H6PD: variants seen among roughly 807,000 people sequenced by gnomAD.
H6PD encodes GDH/6PGL endoplasmic bifunctional protein.
In H6PD, 48 loss-of-function variants were observed where a neutral mutation model predicts 61.2. That is an observed-to-expected ratio of 0.78 (90% CI 0.62 to 1.00). H6PD has a LOEUF of 1.00. Among genes scored for constraint, H6PD ranks in the 50% least tolerant of loss-of-function variants. The pLI is 0.00. For synonymous variants in H6PD, 480 were observed against 457.9 expected (o/e 1.05, Z -0.62); for missense variants, 1,093 against 1,065.0 (o/e 1.03, Z -0.37).
At chr1:9,258,251 GTT>G (rs1467486211) in intron 3 of H6PD, among the ~76,000 whole-genome samples, 5 of 60,220 alleles carry the variant, frequency 8.3e-5, no homozygotes, top group Non-Finnish European at 2.1e-4. Context: ...TTATGTTGGT[GTT>G]GTTACATCAG....
chr1:9,236,092 G>T (rs540340574), intron 1 of H6PD, among the ~76,000 whole-genome samples: 4 of 151,782 alleles, frequency 2.6e-5, no homozygotes, highest in Admixed American at 2.6e-4. Context: ...TGGTTCAAGC[G>T]ATTCTTCCAC....
At position 9,262,326 on chromosome 1, in the gene H6PD, C is replaced by G; in HGVS notation, c.1013C>G (p.Ala338Gly). The G allele has an allele frequency of 6.2e-7, 1 of 1,600,200 alleles. No individual in the cohort carries two copies. Among genetic ancestry groups the G allele is most frequent in the Non-Finnish European group, 8.5e-7 (1 of 1,173,534 alleles). The change falls in exon 4 of 5, where the codon GCA (alanine) becomes GGA (glycine). Residue 338 changes from alanine to glycine, a missense_variant and splice_region_variant. Physicochemically the swap from Ala to Gly is moderately conservative, Grantham distance 60. Coordinates refer to ENST00000377403, the MANE Select transcript of H6PD (RefSeq NM_004285.4). ...TTCCACAGCCTGACGCCGACCTTCGCAGGTGGGCCCTGGGGCTGGGCATGG... is the reference window on the plus strand; with the variant it reads ...TTCCACAGCCTGACGCCGACCTTCGGAGGTGGGCCCTGGGGCTGGGCATGG... ...DSFHSLTPTF[A>G]AVLVHIDNLR... is the part of the protein sequence containing the mutation.
chr1:9,265,280 G>A lies in H6PD; in HGVS notation c.*411G>A, dbSNP rs1570132542. On this transcript the variant is annotated 3_prime_UTR_variant, in exon 5 of 5. Coordinates refer to ENST00000377403, the MANE Select transcript of H6PD (RefSeq NM_004285.4). ...CCTGGGGGAGGTGATCCTTGAACTG[G>A]CTCCCGGGGAACATTCAGAGCATGA... The A allele has an allele frequency of 2.8e-6, 1 of 354,274 alleles. No individual in the cohort carries two copies. Among genetic ancestry groups the A allele is most frequent in the East Asian group, 7.3e-5 (1 of 13,638 alleles). The allele number at this position is 354,274 out of a possible 1,614,324, so 21.9% of individuals were successfully genotyped here.
intron 3 of H6PD, among the ~76,000 whole-genome samples, chr1:9,257,003 T>C (rs780282199): frequency 3.9e-5 from 6 of 152,230 alleles, no homozygotes; most frequent in Admixed American, 2.0e-4. Context: ...TCGCCTCAGC[T>C]CTGTCTTCTG....
chr1:9,265,206 C>A lies in H6PD; in HGVS notation c.*337C>A, dbSNP rs9435159. 14 of 421,650 alleles carry A rather than the reference C, an allele frequency of 3.3e-5. No individual in the cohort carries two copies. The highest frequency in any genetic ancestry group is 5.4e-5 in the Non-Finnish European group (12 of 223,884). The allele number at this position is 421,650 out of a possible 1,614,324, so 26.1% of individuals were successfully genotyped here. A position where few individuals can be genotyped will look rare whatever the true frequency, so the allele number is the denominator to read the frequency against. The stretch of plus-strand genomic sequence containing the variant: ...GGGATGGCGCCCAAACTCCGGCGTT[C>A]ACAAGAGGAGACGTGACGTGGTGGG... On this transcript the variant is annotated 3_prime_UTR_variant, in exon 5 of 5. Coordinates refer to ENST00000377403, the MANE Select transcript of H6PD (RefSeq NM_004285.4).
intron 3 of H6PD, among the ~76,000 whole-genome samples, chr1:9,252,630 T>G (rs1315089867): frequency 6.6e-6 from 1 of 152,242 alleles, no homozygotes; most frequent in African/African-American, 2.4e-5. Context: ...ATTAAGTGGT[T>G]TTTAGTATAT....
At chr1:9,248,429 A>G (rs913083709) in intron 3 of H6PD, among the ~76,000 whole-genome samples, 3 of 152,172 alleles carry the variant, frequency 2.0e-5, no homozygotes, top group African/African-American at 7.2e-5. Flanking sequence ...AGCCTCTCAG[A>G]TATGGCTCCC....
intron 3 of H6PD, among the ~76,000 whole-genome samples, chr1:9,250,952 T>C (rs947483189): frequency 6.6e-5 from 10 of 152,114 alleles, no homozygotes; most frequent in African/African-American, 2.4e-4. Flanking sequence ...TCAAGGCTGC[T>C]GCACAGGCCG....
intron 3 of H6PD, among the ~76,000 whole-genome samples, chr1:9,256,866 C>T (rs909951413): frequency 2.0e-5 from 3 of 152,136 alleles, no homozygotes; most frequent in South Asian, 2.1e-4. Flanking sequence ...ATTATTCCCT[C>T]GCTTCTCTTT....
chr1:9,255,305 A>T (rs1641482464), intron 3 of H6PD, among the ~76,000 whole-genome samples: 1 of 152,006 alleles, frequency 6.6e-6, no homozygotes, highest in Non-Finnish European at 1.5e-5. Flanking sequence ...TTTTGGAGAC[A>T]GGGTCTTTAT....
chr1:9,236,208 C>G (rs1033844832), intron 1 of H6PD, among the ~76,000 whole-genome samples: 5 of 152,118 alleles, frequency 3.3e-5, no homozygotes, highest in African/African-American at 1.2e-4. Flanking sequence ...CCAGGCTTGT[C>G]TTGAACTGCT....
At position 9,262,126 on chromosome 1, in the gene H6PD, C is replaced by G; in HGVS notation, c.813C>G (p.Val271=). 1 of 1,614,226 alleles carries G rather than the reference C, an allele frequency of 6.2e-7. No individual in the cohort carries two copies. The highest frequency in any genetic ancestry group is 8.5e-7 in the Non-Finnish European group (1 of 1,180,028). ...TCCTCCAGAACCATCTGACGGAGGTCCTCACCCTCGTGGCCATGGAGCTGC... is the reference window on the plus strand; with the variant it reads ...TCCTCCAGAACCATCTGACGGAGGTGCTCACCCTCGTGGCCATGGAGCTGC... The part of the protein sequence containing the change: ...RDVLQNHLTE[V]LTLVAMELPH... The change falls in exon 4 of 5, where the codon GTC becomes GTG. Residue 271 remains valine, a synonymous_variant. Transcript: ENST00000377403.
intron 2 of H6PD, among the ~76,000 whole-genome samples, chr1:9,246,573 G>A (rs1641181581): frequency 1.3e-5 from 2 of 152,186 alleles, no homozygotes; most frequent in Admixed American, 6.5e-5. Context: ...TTCCTAAATA[G>A]GGGTCCTCAG....
In H6PD at chr1:9,266,680, C is replaced by T. The variant is rs1638570292; in HGVS notation, c.*1811C>T. 1 of 152,270 alleles carries T rather than the reference C, an allele frequency of 6.6e-6. No individual in the cohort carries two copies. Among genetic ancestry groups the T allele is most frequent in the Admixed American group, 6.5e-5 (1 of 15,284 alleles). 9.4% of individuals were successfully genotyped at this position (152,270 alleles called of 1,614,324 possible). A position where few individuals can be genotyped will look rare whatever the true frequency, so the allele number is the denominator to read the frequency against. ...GGAGCATGGCAAAGTCGGTTTCTCT[C>T]TGGACTGTTTACACTTCAAGGCGGT... On this transcript the variant is annotated 3_prime_UTR_variant, in exon 5 of 5. Coordinates refer to ENST00000377403, the MANE Select transcript of H6PD (RefSeq NM_004285.4).
At chr1:9,261,381 C>G (rs1446420442) in intron 3 of H6PD, among the ~76,000 whole-genome samples, 1 of 152,126 alleles carries the variant, frequency 6.6e-6, no homozygotes, top group African/African-American at 2.4e-5. Context: ...AGGGTCCCTG[C>G]AGCTGAGATG....
At chr1:9,259,801 C>G (rs558017839) in intron 3 of H6PD, among the ~76,000 whole-genome samples, 28 of 148,074 alleles carry the variant, frequency 1.9e-4, no homozygotes, top group African/African-American at 6.6e-4. Flanking sequence ...TGTTATGTTG[C>G]TGTTGTTACG....
Position 9,245,106 on chromosome 1 carries a change from C to T in H6PD, c.172C>T (p.His58Tyr), listed in dbSNP as rs375333419. Residue 58 changes from histidine to tyrosine, a missense_variant, in exon 2 of 5, where the codon CAC (histidine) becomes TAC (tyrosine). Coordinates refer to ENST00000377403, the MANE Select transcript of H6PD (RefSeq NM_004285.4). This position sits in a 1 kb window ranked among gnomAD's most constrained non-coding sequence, Gnocchi z 4.8. ...QLYLDEAGRGHSFSFHGAALT... is the reference protein window; with the variant it reads ...QLYLDEAGRGYSFSFHGAALT... ...GTACCTGGATGAAGCGGGGAGGGGT[C>T]ACAGTTTTAGCTTCCATGGAGCTGC... is the stretch of plus-strand genomic sequence containing the variant. The T allele has an allele frequency of 6.2e-7, 1 of 1,614,158 alleles. No individual in the cohort carries two copies. Among genetic ancestry groups the T allele is most frequent in the Admixed American group, 1.7e-5 (1 of 60,024 alleles).
At chr1:9,236,924 C>T (rs1209361157) in intron 1 of H6PD, among the ~76,000 whole-genome samples, 1 of 152,146 alleles carries the variant, frequency 6.6e-6, no homozygotes, top group Admixed American at 6.5e-5. Flanking sequence ...GCAACTGAGG[C>T]TTATACATGA....
chr1:9,264,571 T>C lies in H6PD; in HGVS notation c.2078T>C (p.Met693Thr), dbSNP rs961332684. The C allele has an allele frequency of 3.7e-6, 6 of 1,613,372 alleles. No homozygotes were observed. The highest frequency in any genetic ancestry group is 3.3e-4 in the Middle Eastern group (2 of 6,062). The change falls in exon 5 of 5, where the codon ATG (methionine) becomes ACG (threonine). Residue 693 changes from methionine (M) to threonine (T), a missense_variant. Physicochemically the swap from Met to Thr is moderately conservative, Grantham distance 81. Transcript: ENST00000377403. The stretch of plus-strand genomic sequence containing the variant: ...AGCTTCGACCTGGTGCTGCTGGGCA[T>C]GGGTGCCGACGGGCACACAGCCTCC... ...NSSFDLVLLG[M>T]GADGHTASLF...
Sources: gnomAD v4.1 joint callset for allele counts (sites outside exome capture counted in the v4.1 genomes callset) on GRCh38, gnomAD v4.1.1 for gene constraint, Gnocchi (gnomAD v3.1) non-coding constraint, MANE v1.5 for transcripts, NCBI Gene and HGNC (gene_info 2026-07-23, HGNC 2026-07-21) for gene names.